ORMDL1: variants seen among roughly 807,000 people sequenced by gnomAD.
The protein encoded by ORMDL1 is ORMDL sphingolipid biosynthesis regulator 1.
In ORMDL1, 10 loss-of-function variants were observed where a neutral mutation model predicts 13.0. The ratio of observed to expected loss-of-function variants is 0.77; its 90% CI spans 0.47 to 1.30. ORMDL1 has a LOEUF of 1.30. ORMDL1 is among the 50% of genes most tolerant of loss of function. The pLI, the probability that ORMDL1 is intolerant of heterozygous loss-of-function variation, is 0.00. For synonymous variants in ORMDL1, 61 were observed against 63.9 expected (o/e 0.95, Z 0.22); for missense variants, 171 against 186.7 (o/e 0.92, Z 0.49).
intron 4 of ORMDL1, chr2:189,775,275 C>T: frequency 4.1e-6 from 1 of 242,436 alleles, no homozygotes; most frequent in Non-Finnish European, 7.9e-6. Context: ...ATTTTGTGTC[C>T]TTATATGAAA....
chr2:189,775,401 T>C (rs1445839024), intron 4 of ORMDL1, 164 bp downstream of exon 4: 2 of 691,834 alleles, frequency 2.9e-6, no homozygotes, highest in African/African-American at 1.8e-5. Context: ...ATTAGTTTAT[T>C]ATCAACTTGT....
intron 3 of ORMDL1, 147 bp from the exon 4 acceptor site, chr2:189,775,863 G>A (rs1290073103): frequency 2.2e-5 from 15 of 670,274 alleles, no homozygotes; most frequent in Non-Finnish European, 3.4e-5. Flanking sequence ...GTGAAAGGCT[G>A]TAGCCAGTTT....
chr2:189,769,830 A>C (rs1459375798), downstream of ORMDL1, among the ~76,000 whole-genome samples: 1 of 152,212 alleles, frequency 6.6e-6, no homozygotes, highest in Non-Finnish European at 1.5e-5. Flanking sequence ...TGCTGCAAGA[A>C]AGATCCACCA....
At chr2:189,767,207 G>A (rs1029453831), downstream of ORMDL1, among the ~76,000 whole-genome samples, 11 of 152,090 alleles carry the variant, frequency 7.2e-5, no homozygotes, top group African/African-American at 2.7e-4. Flanking sequence ...CAAGTGTGTG[G>A]GTCTATGTGT....
rs528408967 is a variant in ORMDL1, at chr2:189,770,689, T to G, written c.*1078A>C. ...CCTAAGTCACAAGAATTCAATGTGGTTGCTGTTCTGGAGACAGTTACCATT... is the reference window on the plus strand; with the variant it reads ...CCTAAGTCACAAGAATTCAATGTGGGTGCTGTTCTGGAGACAGTTACCATT... On this transcript the variant is annotated 3_prime_UTR_variant, in exon 5 of 5. Transcript: ENST00000392349. 6.6e-6 allele frequency: 1 copy of G among 152,326 alleles called. No homozygotes were observed. Among genetic ancestry groups the G allele is most frequent in the East Asian group, 1.9e-4 (1 of 5,184 alleles). 9.4% of individuals were successfully genotyped at this position (152,326 alleles called of 1,614,324 possible). A position where few individuals can be genotyped will look rare whatever the true frequency, so the allele number is the denominator to read the frequency against.
the ORMDL1 span, chr2:189,764,450 G>C: frequency 6.6e-6 from 1 of 152,192 alleles, no homozygotes; most frequent in Non-Finnish European, 1.5e-5. Flanking sequence ...GTTATTATGT[G>C]AAACAGGAGA....
chr2:189,775,776 A>T, intron 3 of ORMDL1, 60 bp from the exon 4 acceptor site: 2 of 1,521,154 alleles, frequency 1.3e-6, no homozygotes, highest in Admixed American at 3.9e-5. Flanking sequence ...AGTCTTTGTC[A>T]GTAGCATTAA....
rs372805404 is a variant in ORMDL1, at chr2:189,775,558, C to T, written c.326+7G>A. 4.4e-6 allele frequency: 7 copies of T among 1,590,068 alleles called. No homozygotes were observed. Among genetic ancestry groups the T allele is most frequent in the Non-Finnish European group, 6.0e-6 (7 of 1,169,012 alleles). On this transcript the variant is annotated splice_region_variant and intron_variant, in intron 4 of 4. Transcript: ENST00000392349. ...CCTCCTCATACCTAAAAATTTCTGC[C>T]ACTTACAGAATTATTGGAGAAATTG...
intron 4 of ORMDL1, among the ~76,000 whole-genome samples, chr2:189,773,684 T>C (rs922704866): frequency 8.5e-6 from 1 of 117,396 alleles, no homozygotes; most frequent in African/African-American, 3.2e-5. Context: ...ATTATGCCAC[T>C]GCACTCCGGC....
chr2:189,779,001 C>G (rs188717801), intron 3 of ORMDL1, among the ~76,000 whole-genome samples: 72 of 152,210 alleles, frequency 4.7e-4, no homozygotes, highest in African/African-American at 1.7e-3. Context: ...CTGGGTAACA[C>G]AGCAAGACCC....
chr2:189,782,103 C>T (rs1351916363), intron 3 of ORMDL1, among the ~76,000 whole-genome samples: 5 of 152,050 alleles, frequency 3.3e-5, no homozygotes, highest in Admixed American at 6.5e-5. Flanking sequence ...CCACCATGCC[C>T]GGCTAATTTT....
chr2:189,765,882 A>G (rs536098560), downstream of ORMDL1, among the ~76,000 whole-genome samples: 8 of 144,444 alleles, frequency 5.5e-5, 1 homozygote, highest in East Asian at 1.6e-3. Context: ...CTGGATTGCA[A>G]TTGGTGTGAG....
At chr2:189,766,171 T>A (rs942365765), downstream of ORMDL1, among the ~76,000 whole-genome samples, 1 of 152,196 alleles carries the variant, frequency 6.6e-6, no homozygotes, top group African/African-American at 2.4e-5. Flanking sequence ...TATCTCTTGA[T>A]GTGGAACGTT....
intron 3 of ORMDL1, chr2:189,778,255 C>T: frequency 2.5e-6 from 1 of 398,506 alleles, no homozygotes; most frequent in Non-Finnish European, 5.0e-6. Context: ...ATTAGCCAGG[C>T]ATGGTGGTGC....
intron 3 of ORMDL1, among the ~76,000 whole-genome samples, chr2:189,776,529 G>A (rs2047700617): frequency 6.6e-6 from 1 of 152,102 alleles, no homozygotes; most frequent in Non-Finnish European, 1.5e-5. Flanking sequence ...AAGGGATAAT[G>A]CCTAAATATT....
chr2:189,773,974 A>G (rs2047638135), intron 4 of ORMDL1: 1 of 152,164 alleles, frequency 6.6e-6, no homozygotes, highest in African/African-American at 2.4e-5. Flanking sequence ...TGTGATTAAA[A>G]CTTCTGAATG....
At chr2:189,779,196 G>C (rs999164879) in intron 3 of ORMDL1, among the ~76,000 whole-genome samples, 1 of 152,162 alleles carries the variant, frequency 6.6e-6, no homozygotes, top group African/African-American at 2.4e-5. Flanking sequence ...AAACAAAATG[G>C]CTGGGCATGC....
At chr2:189,775,361 G>T (rs960838271) in intron 4 of ORMDL1, 4 of 493,442 alleles carry the variant, frequency 8.1e-6, no homozygotes, top group Non-Finnish European at 7.1e-6. Flanking sequence ...ATGTAATATT[G>T]TCTCCGTATA....
At chr2:189,768,074 C>T (rs2047512300), downstream of ORMDL1, among the ~76,000 whole-genome samples, 1 of 152,150 alleles carries the variant, frequency 6.6e-6, no homozygotes, top group South Asian at 2.1e-4. Context: ...ATCACTGGAT[C>T]TTTTTTACCT....
Sources: gnomAD v4.1 joint callset for allele counts (sites outside exome capture counted in the v4.1 genomes callset) on GRCh38, gnomAD v4.1.1 for gene constraint, MANE v1.5 for transcripts, NCBI Gene and HGNC (gene_info 2026-07-23, HGNC 2026-07-21) for gene names.